Variants in ARID4A observed in about 807,000 individuals in gnomAD.
ARID4A encodes the protein AT-rich interactive domain-containing protein 4A.
In ARID4A, 39 loss-of-function variants were observed where a neutral mutation model predicts 148.6. The observed-to-expected ratio is 0.26, with a 90% confidence interval of 0.20 to 0.34. The LOEUF is 0.34. Ranked by LOEUF, ARID4A falls within the 10% of genes least tolerant of loss-of-function variation. The pLI is 1.00. For synonymous variants in ARID4A, 475 were observed against 481.2 expected (o/e 0.99, Z 0.17); for missense variants, 1,265 against 1,449.1 (o/e 0.87, Z 2.06).
chr14:58,304,001 C>T (rs976805606), intron 3 of ARID4A, among the ~76,000 whole-genome samples: 1 of 151,350 alleles, frequency 6.6e-6, no homozygotes, highest in African/African-American at 2.4e-5. Context: ...ATCCCAGCTA[C>T]TTGGGAGGCT....
chr14:58,320,412 A>G (rs928896637), intron 7 of ARID4A, among the ~76,000 whole-genome samples: 1 of 152,152 alleles, frequency 6.6e-6, no homozygotes, highest in Admixed American at 6.5e-5. Context: ...CTGATAGACT[A>G]CTATCATAAT....
intron 5 of ARID4A, among the ~76,000 whole-genome samples, chr14:58,307,446 G>A (rs1323139431): frequency 1.3e-5 from 2 of 152,208 alleles, no homozygotes; most frequent in Non-Finnish European, 2.9e-5. Context: ...AGAATTTAGT[G>A]TTGGTTCACA....
In ARID4A at chr14:58,366,056, C is replaced by G. The variant is rs1358723966; in HGVS notation, c.3349C>G (p.Leu1117Val). Reference sequence around the variant, plus strand: ...CAGTGATAGTGAAGATCTTCCTGTCCTAGACAATTCAAGTAAATGTACCCC... The same window carrying G: ...CAGTGATAGTGAAGATCTTCCTGTCGTAGACAATTCAAGTAAATGTACCCC... The part of the protein sequence containing the change: ...QSSDSEDLPV[L>V]DNSSKCTPVK... The change falls in exon 22 of 24, where the codon CTA becomes GTA. Residue 1117 changes from leucine to valine, a missense_variant. Physicochemically the swap from Leu to Val is conservative, Grantham distance 32. Transcript: ENST00000355431. 1 of 1,613,514 alleles carries G rather than the reference C, an allele frequency of 6.2e-7. No individual in the cohort carries two copies. The highest frequency in any genetic ancestry group is 8.5e-7 in the Non-Finnish European group (1 of 1,179,606).
intron 2 of ARID4A, among the ~76,000 whole-genome samples, 162 bp downstream of exon 2, chr14:58,300,022 T>C (rs1448502031): frequency 1.3e-5 from 2 of 152,210 alleles, no homozygotes; most frequent in African/African-American, 2.4e-5. Flanking sequence ...AAATGATCTG[T>C]GTGTCTAAAT....
rs144464346 is a variant in ARID4A, at chr14:58,356,135, T to C, written c.1853+2280T>C. ...GTGTGAGAAGAGTCCTGGTCTCTCATTGAGAAATCCTGGGACTATCCTTTG... is the reference window on the plus strand; with the variant it reads ...GTGTGAGAAGAGTCCTGGTCTCTCACTGAGAAATCCTGGGACTATCCTTTG... On this transcript the variant is annotated intron_variant, in intron 17 of 23. Transcript: ENST00000355431. Among the ~76,000 whole-genome samples, 717 of 152,304 alleles carry C rather than the reference T, an allele frequency of 4.7e-3. 7 individuals are homozygous for C. Among genetic ancestry groups the C allele is most frequent in the African/African-American group, 0.017 (691 of 41,558 alleles).
At position 58,351,290 on chromosome 14, in the gene ARID4A, A is replaced by C. The variant is rs1432355318; in HGVS notation, c.1622A>C (p.Asp541Ala). ...KIKKQEDSDKDSDEEEEKSQE... is the reference protein window; with the variant it reads ...KIKKQEDSDKASDEEEEKSQE... The stretch of plus-strand genomic sequence containing the variant: ...AAAAAACAGGAGGATTCTGACAAAG[A>C]CTCAGATGAAGAGGAAGAGAAAAGC... The change falls in exon 16 of 24, where the codon GAC becomes GCC. Residue 541 changes from aspartate (D) to alanine (A), a missense_variant. By Grantham distance (126) the Asp-to-Ala change is moderately radical (BLOSUM62 -2). This residue lies in a region of ARID4A where 205 missense variants were observed against 196.9 expected (regional missense o/e 1.04). Coordinates refer to ENST00000355431, the MANE Select transcript of ARID4A (RefSeq NM_002892.4). 1.2e-6 allele frequency: 2 copies of C among 1,604,212 alleles called. No individual in the cohort carries two copies. Among genetic ancestry groups the C allele is most frequent in the Non-Finnish European group, 1.7e-6 (2 of 1,177,818 alleles).
chr14:58,303,772 G>A, intron 3 of ARID4A: 1 of 239,884 alleles, frequency 4.2e-6, no homozygotes, highest in Non-Finnish European at 9.0e-6. Flanking sequence ...GTAAGATCCA[G>A]TAATTGTGTT....
At chr14:58,319,734 G>C (rs1432474124) in intron 7 of ARID4A, among the ~76,000 whole-genome samples, 1 of 149,572 alleles carries the variant, frequency 6.7e-6, no homozygotes, top group Non-Finnish European at 1.5e-5. Context: ...ATAGAGATGA[G>C]GTTTCGCTTT....
chr14:58,330,213 T>C (rs749594212), intron 11 of ARID4A, 44 bp downstream of exon 11: 10 of 1,582,676 alleles, frequency 6.3e-6, no homozygotes, highest in South Asian at 4.7e-5. Context: ...CTTAATACTC[T>C]CTAGTGAAAA....
At chr14:58,356,951 G>A (rs544393920) in intron 17 of ARID4A, among the ~76,000 whole-genome samples, 6 of 152,004 alleles carry the variant, frequency 3.9e-5, no homozygotes, top group Admixed American at 2.0e-4. Flanking sequence ...CGCCCGCCTC[G>A]GCCTCCCAAA....
chr14:58,344,763 C>G lies in ARID4A; in HGVS notation c.975C>G (p.Asp325Glu), dbSNP rs1429675242. Residue 325 changes from aspartate to glutamate, a missense_variant, in exon 12 of 24, where the codon GAC (aspartate) becomes GAG (glutamate). This residue lies in a region of ARID4A where 249 missense variants were observed against 277.2 expected (regional missense o/e 0.90). Transcript: ENST00000355431. ...FLQQLYKFME[D>E]RGTPINKPPV... ...AGCAGCTTTATAAGTTTATGGAAGA[C>G]AGAGGTATTTTCATGCTCATTATTT... is the stretch of plus-strand genomic sequence containing the variant. 1 of 1,609,348 alleles carries G rather than the reference C, an allele frequency of 6.2e-7. No homozygotes were observed.
Position 58,327,706 on chromosome 14 carries a change from C to G in ARID4A, c.583-531C>G, listed in dbSNP as rs2033294308. ...TTTCTTTTTGAAATGGGGTCTCATT[C>G]TGTCACCCAGGCTGGAGTGCAGTGT... On this transcript the variant is annotated intron_variant, in intron 8 of 23. Transcript: ENST00000355431. Among the ~76,000 whole-genome samples the G allele has an allele frequency of 5.3e-5, 8 of 152,224 alleles. No homozygotes were observed. The South Asian group carries it at 1.7e-3, about 32-fold the overall frequency.
chr14:58,321,574 G>A (rs547411574), intron 7 of ARID4A, among the ~76,000 whole-genome samples: 34 of 152,012 alleles, frequency 2.2e-4, no homozygotes, highest in Non-Finnish European at 3.8e-4. Context: ...TTTCTACAAG[G>A]GTCCCTCATT....
chr14:58,365,857 G>A (rs2035338265), intron 21 of ARID4A, among the ~76,000 whole-genome samples, 167 bp from the exon 22 acceptor site: 1 of 151,912 alleles, frequency 6.6e-6, no homozygotes, highest in South Asian at 2.1e-4. Flanking sequence ...CCGTTGGTGA[G>A]CATTTAGGTT....
intron 3 of ARID4A, among the ~76,000 whole-genome samples, chr14:58,303,104 A>G (rs1362382944): frequency 1.3e-5 from 2 of 152,060 alleles, no homozygotes; most frequent in East Asian, 3.8e-4. Context: ...TATTATAAAC[A>G]TTTTTAACAT....
chr14:58,306,163 C>CCACAAAACACAGATACA, intron 5 of ARID4A, 51 bp downstream of exon 5: 1 of 1,335,644 alleles, frequency 7.5e-7, no homozygotes, highest in Non-Finnish European at 1.1e-6. Context: ...TTGCATGTAT[C>CCACAAAACACAGATACA]TGTGTTTTGT....
intron 7 of ARID4A, among the ~76,000 whole-genome samples, chr14:58,321,510 A>G (rs1204059044): frequency 1.3e-5 from 2 of 152,124 alleles, no homozygotes; most frequent in East Asian, 3.8e-4. Context: ...CTGGCATGAC[A>G]AGGTATCCTA....
At chr14:58,314,626 G>A (rs1022317070) in intron 5 of ARID4A, among the ~76,000 whole-genome samples, 3 of 151,724 alleles carry the variant, frequency 2.0e-5, no homozygotes, top group Admixed American at 1.3e-4. Context: ...ACGGGGTCTC[G>A]CTGTGTTAGC....
At chr14:58,365,467 C>CTTTTTTTTTTTTT (rs71107938) in intron 20 of ARID4A, 51 bp from the exon 21 acceptor site, 12 of 351,544 alleles carry the variant, frequency 3.4e-5, no homozygotes, top group Admixed American at 1.3e-4. Context: ...TATACTTGCT[C>CTTTTTTTTTTTTT]TTTTTTTTTT....
Sources: allele counts gnomAD v4.1 joint callset (sites outside exome capture counted in the v4.1 genomes callset), GRCh38; gene constraint gnomAD v4.1.1; regional missense constraint gnomAD v4.1.1; transcripts MANE v1.5; gene names NCBI Gene and HGNC (gene_info 2026-07-23, HGNC 2026-07-21).